Variants in LONRF3 observed in about 807,000 individuals in gnomAD.
The protein encoded by LONRF3 is LON peptidase N-terminal domain and RING finger protein 3.
LONRF3 carries 19 observed loss-of-function variants against 51.7 expected under a neutral mutation model. The observed-to-expected ratio is 0.37, with a 90% CI of 0.26 to 0.54. The LOEUF is 0.54. LONRF3 is among the 20% of genes least tolerant of loss of function. LONRF3 has a pLI of 0.86. For synonymous variants in LONRF3, 265 were observed against 257.8 expected, an observed-to-expected ratio of 1.03 and a Z score of -0.27; for missense variants, 521 against 623.9, an observed-to-expected ratio of 0.84 and a Z score of 1.76.
At chrX:119,007,062 A>G (rs990495129) in intron 6 of LONRF3, among the ~76,000 whole-genome samples, 1 of 112,519 alleles carries the variant, frequency 8.9e-6, no homozygotes, top group East Asian at 2.8e-4. Context: ...CCCTCTCCAT[A>G]AAGTCCTTCA....
intron 5 of LONRF3, among the ~76,000 whole-genome samples, chrX:118,993,973 T>A (rs902666071): frequency 2.7e-5 from 3 of 112,126 alleles, no homozygotes; most frequent in African/African-American, 9.7e-5. Flanking sequence ...AAACAAATGC[T>A]GAGAGAATTT....
Position 119,017,570 on chromosome X carries a change from G to A in LONRF3, c.2160G>A (p.Met720Ile). ...ATGGCCCAGCCTGGTGCTGGTGGAT[G>A]TTAGCAGTTCTTCCCTTGGAAAGCC... The part of the protein sequence containing the change: ...NPNGPAWCWW[M>I]LAVLPLESRA... Residue 720 changes from methionine to isoleucine, a missense_variant, in exon 11 of 11, where the codon ATG (methionine) becomes ATA (isoleucine). Coordinates refer to ENST00000371628, the MANE Select transcript of LONRF3 (RefSeq NM_001031855.3). 1.7e-6 allele frequency: 2 copies of A among 1,210,926 alleles called. No homozygotes were observed. The highest frequency in any genetic ancestry group is 5.9e-5 in the East Asian group (2 of 33,794).
At chrX:119,006,000 A>T in intron 5 of LONRF3, 121 bp from the exon 6 acceptor site, 1 of 425,421 alleles carries the variant, frequency 2.4e-6, no homozygotes, top group Non-Finnish European at 4.2e-6. Flanking sequence ...GCGACTTTTT[A>T]AAAAGAACTC....
rs755823822 is a variant in LONRF3 at position 119,017,655 on chromosome X, C to T, written c.2245C>T (p.Arg749Ter). The T allele has an allele frequency of 7.5e-6, 9 of 1,206,343 alleles. No individual in the cohort carries two copies. The highest frequency in any genetic ancestry group is 2.2e-5 in the Admixed American group (1 of 45,502). Residue 749 changes from arginine (R) to a stop codon, truncating the protein, a stop_gained, in exon 11 of 11, where the codon CGA becomes TGA. Transcript: ENST00000371628. LOFTEE classifies it high-confidence loss of function. Reference sequence around the variant, plus strand: ...AAAGGACAGACTGAATGGTATTCGACGAGTCCTGGCCTTCATATCCCGAAA... The same window carrying T: ...AAAGGACAGACTGAATGGTATTCGATGAGTCCTGGCCTTCATATCCCGAAA... ...SLKDRLNGIRRVLAFISRNQN is the reference protein window; with the variant it reads ...SLKDRLNGIR
intron 6 of LONRF3, among the ~76,000 whole-genome samples, chrX:119,006,568 TTTTTGTTTTG>T (rs10587850): frequency 2.3e-4 from 21 of 90,077 alleles, no homozygotes; most frequent in South Asian, 6.6e-4. Flanking sequence ...GCTCGGCTAA[TTTTTGTTTTG>T]TTTTGTTTTG....
At chrX:119,012,264 C>A (rs947311359) in intron 8 of LONRF3, among the ~76,000 whole-genome samples, 1 of 108,306 alleles carries the variant, frequency 9.2e-6, no homozygotes, top group African/African-American at 3.4e-5. Flanking sequence ...CTAGTTGCAG[C>A]CTTGGAGCAA....
In LONRF3 at chrX:119,017,849, C is replaced by A; in HGVS notation, c.*159C>A. On this transcript the variant is annotated 3_prime_UTR_variant, in exon 11 of 11. Transcript: ENST00000371628. ...ACAGAGAGAAATTGAGTAGAAAGAC[C>A]AAAAGAATGTGACCTATTTGAAACT... is the stretch of plus-strand genomic sequence containing the variant. 2.3e-6 allele frequency: 1 copy of A among 435,549 alleles called. No individual in the cohort carries two copies. The highest frequency in any genetic ancestry group is 3.6e-6 in the Non-Finnish European group (1 of 274,947). 35.9% of individuals were successfully genotyped at this position (435,549 alleles called of 1,213,427 possible). A position where few individuals can be genotyped will look rare whatever the true frequency, so the allele number is the denominator to read the frequency against.
At chrX:118,993,780 A>C (rs1393796013) in intron 5 of LONRF3, among the ~76,000 whole-genome samples, 2 of 111,884 alleles carry the variant, frequency 1.8e-5, no homozygotes, top group Middle Eastern at 4.6e-3. Context: ...GAGACAGAGC[A>C]CCAGCTAACC....
intron 3 of LONRF3, chrX:118,986,962 A>C (rs1923016995): frequency 8.7e-7 from 1 of 1,151,832 alleles, no homozygotes; most frequent in Non-Finnish European, 1.1e-6. Context: ...GTCCCGGGGG[A>C]TTCTCAGGAA....
chrX:118,979,185 T>G (rs1218034577), intron 2 of LONRF3, among the ~76,000 whole-genome samples: 1 of 109,041 alleles, frequency 9.2e-6, no homozygotes, highest in Middle Eastern at 4.2e-3. Context: ...TATTTTTTTT[T>G]GTAGAGACAG....
In LONRF3 at chrX:119,014,346, C is replaced by T. The variant is rs1925301137; in HGVS notation, c.2114C>T (p.Ala705Val). Residue 705 changes from alanine (A) to valine (V), a missense_variant, in exon 10 of 11, where the codon GCC becomes GTC. By Grantham distance (64) the Ala-to-Val change is moderately conservative (BLOSUM62 0). This residue lies in a region of LONRF3 where 145 missense variants were observed against 247.2 expected (regional missense o/e 0.59). Coordinates refer to ENST00000371628, the MANE Select transcript of LONRF3 (RefSeq NM_001031855.3). ...NHFGPMPEKD[A>V]DPQMNPNGPA... ...TTTGGTCCCATGCCGGAGAAAGACG[C>T]CGATCCTCAGGTATAGAAAAATGTC... 1 of 1,208,681 alleles carries T rather than the reference C, an allele frequency of 8.3e-7. No homozygotes were observed. Among genetic ancestry groups the T allele is most frequent in the Non-Finnish European group, 1.1e-6 (1 of 894,140 alleles).
At chrX:118,981,837 G>C (rs1317315785) in intron 2 of LONRF3, among the ~76,000 whole-genome samples, 1 of 112,113 alleles carries the variant, frequency 8.9e-6, no homozygotes, top group Non-Finnish European at 1.9e-5. Context: ...AGAAAGGGGG[G>C]CAGGGGAGTA....
In LONRF3 at chrX:118,975,023, G is replaced by T. The variant is rs1400475411; in HGVS notation, c.243G>T (p.Gly81=). 7 of 1,173,089 alleles carry T rather than the reference G, an allele frequency of 6.0e-6. No individual in the cohort carries two copies. Among genetic ancestry groups the T allele is most frequent in the Middle Eastern group, 2.4e-4 (1 of 4,252 alleles). ...LTQADALASR[G]RIREALEVYR... ...AGGCAGACGCCTTGGCGTCCCGGGG[G>T]CGAATCCGTGAAGCCCTCGAGGTGT... is the stretch of plus-strand genomic sequence containing the variant. Residue 81 remains glycine (G), a synonymous_variant, in exon 1 of 11, where the codon GGG becomes GGT. Transcript: ENST00000371628.
At chrX:118,976,966 A>G (rs1275267348) in intron 1 of LONRF3, 1 of 111,220 alleles carries the variant, frequency 9.0e-6, no homozygotes, top group Non-Finnish European at 1.9e-5. Context: ...GAGGAGGAGG[A>G]GGAATGAGGA....
At chrX:118,978,542 T>C (rs1378905420) in intron 2 of LONRF3, 79 bp downstream of exon 2, 5 of 596,366 alleles carry the variant, frequency 8.4e-6, no homozygotes, top group African/African-American at 2.3e-5. Context: ...CCCTGGAGCA[T>C]AGGGGCACTA....
chrX:118,974,987 C>A lies in LONRF3; in HGVS notation c.207C>A (p.Val69=). ...SPGTSTPESK[V]LLTQADALAS... ...GGACCTCAACGCCGGAGAGCAAAGT[C>A]CTGCTCACGCAGGCAGACGCCTTGG... The change falls in exon 1 of 11, where the codon GTC becomes GTA. Residue 69 remains valine (V), a synonymous_variant. Transcript: ENST00000371628. 1 of 1,174,665 alleles carries A rather than the reference C, an allele frequency of 8.5e-7. No homozygotes were observed. Among genetic ancestry groups the A allele is most frequent in the Non-Finnish European group, 1.1e-6 (1 of 876,882 alleles).
chrX:118,975,720 GACTGTGGCGGGGT>G, intron 1 of LONRF3, 123 bp downstream of exon 1: 13 of 287,514 alleles, frequency 4.5e-5, no homozygotes, highest in East Asian at 3.7e-4. Context: ...GGGACCCATG[GACTGTGGCGGGGT>G]GGGGGAGGGG....
chrX:118,987,052 C>T (rs758372927), intron 3 of LONRF3: 339 of 1,151,558 alleles, frequency 2.9e-4, no homozygotes, highest in South Asian at 2.0e-3. Context: ...ACTGAAGTTA[C>T]CAGCCATAAT....
At chrX:119,016,457 C>T (rs1362320409) in intron 10 of LONRF3, among the ~76,000 whole-genome samples, 1 of 107,322 alleles carries the variant, frequency 9.3e-6, no homozygotes, top group Non-Finnish European at 1.9e-5. Context: ...ACGCCACTCT[C>T]CTGCCTCAGC....
Sources: allele counts gnomAD v4.1 joint callset (sites outside exome capture counted in the v4.1 genomes callset), GRCh38; gene constraint gnomAD v4.1.1; regional missense constraint gnomAD v4.1.1; transcripts MANE v1.5; gene names NCBI Gene and HGNC (gene_info 2026-07-23, HGNC 2026-07-21).